Variants in PLPP3 observed in about 807,000 individuals in gnomAD.
PLPP3 encodes the protein PAP2 beta.
A neutral mutation model predicts 29.6 loss-of-function variants in PLPP3; 6 were observed. The observed-to-expected ratio is 0.20, with a 90% CI of 0.11 to 0.40. PLPP3 has a LOEUF of 0.40. Among genes scored for constraint, PLPP3 ranks in the 10% least tolerant of loss-of-function variants. PLPP3 has a pLI of 1.00. For missense variants in PLPP3, 308 were observed against 407.7 expected, an observed-to-expected ratio of 0.76 and a Z score of 2.11; for synonymous variants, 152 against 159.7, an observed-to-expected ratio of 0.95 and a Z score of 0.36.
intron 1 of PLPP3, among the ~76,000 whole-genome samples, chr1:56,542,807 A>G (rs1283239567): frequency 6.6e-6 from 1 of 152,044 alleles, no homozygotes; most frequent in Non-Finnish European, 1.5e-5. Context: ...GCATTGCTTG[A>G]GCTCATAAGT....
At chr1:56,516,256 A>G (rs1051481139) in intron 4 of PLPP3, among the ~76,000 whole-genome samples, 4 of 152,122 alleles carry the variant, frequency 2.6e-5, no homozygotes, top group African/African-American at 9.7e-5. Context: ...AACCCAGTTC[A>G]CACAAGCCAC....
intron 1 of PLPP3, among the ~76,000 whole-genome samples, chr1:56,560,659 C>T (rs113250194): frequency 1.3e-5 from 2 of 152,168 alleles, no homozygotes; most frequent in African/African-American, 4.8e-5. Flanking sequence ...CTCTTAAAGC[C>T]CCCCCACCTT....
intron 1 of PLPP3, among the ~76,000 whole-genome samples, chr1:56,562,134 C>G (rs1210065871): frequency 6.6e-6 from 1 of 150,640 alleles, no homozygotes; most frequent in Non-Finnish European, 1.5e-5. Flanking sequence ...TGGAAAAGCC[C>G]CAGAGTGGAG....
intron 1 of PLPP3, among the ~76,000 whole-genome samples, chr1:56,543,226 G>A (rs1250972557): frequency 1.3e-5 from 2 of 152,116 alleles, no homozygotes. Context: ...CCTTGAAGGA[G>A]TTTAGACTTT....
Position 56,524,620 on chromosome 1 carries a change from G to C in PLPP3, c.298-66C>G. 1 of 1,522,482 alleles carries C rather than the reference G, an allele frequency of 6.6e-7. No homozygotes were observed. Among genetic ancestry groups the C allele is most frequent in the Non-Finnish European group, 9.0e-7 (1 of 1,110,692 alleles). 94.3% of individuals were successfully genotyped at this position (1,522,482 alleles called of 1,614,324 possible). A position where few individuals can be genotyped will look rare whatever the true frequency, so the allele number is the denominator to read the frequency against. On this transcript the variant is annotated intron_variant, in intron 2 of 5. Transcript: ENST00000371250. This position sits in a 1 kb window ranked among gnomAD's most constrained non-coding sequence, Gnocchi z 4.3. ...TCATCATCAACACTGATGCCGTAAC[G>C]GATATTCAACAACACAGGAGAATAT... is the stretch of plus-strand genomic sequence containing the variant.
intron 1 of PLPP3, among the ~76,000 whole-genome samples, chr1:56,555,973 C>T (rs373529781): frequency 2.0e-5 from 3 of 151,942 alleles, no homozygotes; most frequent in Non-Finnish European, 2.9e-5. Context: ...CATTTTTTTT[C>T]CCCCTGGTTC....
At chr1:56,502,694 C>T (rs1245245978) in intron 5 of PLPP3, among the ~76,000 whole-genome samples, 1 of 152,200 alleles carries the variant, frequency 6.6e-6, no homozygotes, top group Non-Finnish European at 1.5e-5. Context: ...CCATATTGAA[C>T]TTTAATAACC....
At chr1:56,515,533 G>C (rs911275065) in intron 4 of PLPP3, among the ~76,000 whole-genome samples, 6 of 152,140 alleles carry the variant, frequency 3.9e-5, no homozygotes, top group African/African-American at 1.4e-4. Context: ...GAGAAGAGAG[G>C]AAGAGACCAG....
chr1:56,555,464 AAAACAAAC>A (rs1553139196), intron 1 of PLPP3, among the ~76,000 whole-genome samples: 2 of 149,454 alleles, frequency 1.3e-5, no homozygotes, highest in African/African-American at 2.5e-5. Flanking sequence ...AAAAAAACAA[AAAACAAAC>A]AAACAAACAA....
chr1:56,541,706 T>A (rs1645970687), intron 1 of PLPP3, among the ~76,000 whole-genome samples: 1 of 152,096 alleles, frequency 6.6e-6, no homozygotes, highest in African/African-American at 2.4e-5. Context: ...TTCTATAAAG[T>A]AAGTGAGTCA....
intron 1 of PLPP3, among the ~76,000 whole-genome samples, chr1:56,547,570 T>C (rs569219133): frequency 6.6e-6 from 1 of 152,274 alleles, no homozygotes; most frequent in East Asian, 1.9e-4. Flanking sequence ...TGGCTAAGAA[T>C]AAGACACTTA....
intron 1 of PLPP3, among the ~76,000 whole-genome samples, chr1:56,570,744 AAAAT>A (rs889509213): frequency 2.0e-5 from 3 of 152,166 alleles, no homozygotes; most frequent in Non-Finnish European, 2.9e-5. Context: ...TTAAAAAGCA[AAAAT>A]AAATAAATAA....
At chr1:56,543,127 A>T (rs1204503478) in intron 1 of PLPP3, among the ~76,000 whole-genome samples, 1 of 152,240 alleles carries the variant, frequency 6.6e-6, no homozygotes, top group Non-Finnish European at 1.5e-5. Flanking sequence ...ACTGAGGATC[A>T]GAAATGTTCA....
intron 1 of PLPP3, among the ~76,000 whole-genome samples, chr1:56,554,934 CCCTT>C (rs1646063918): frequency 6.6e-6 from 1 of 152,188 alleles, no homozygotes; most frequent in Admixed American, 6.5e-5. Context: ...TTTTCACTCT[CCCTT>C]CATTCATTTT....
In PLPP3 at chr1:56,548,099, C is replaced by T. The variant is rs141129680; in HGVS notation, c.140-10987G>A. On this transcript the variant is annotated intron_variant, in intron 1 of 5. Coordinates refer to ENST00000371250, the MANE Select transcript of PLPP3 (RefSeq NM_003713.5). The stretch of plus-strand genomic sequence containing the variant: ...GTGGTTGGAGTAACCTGGACAGGGC[C>T]GTGTCAGCTCAGACAAGGACTGTCA... Among the ~76,000 whole-genome samples, 1,320 of 152,274 alleles carry T rather than the reference C, an allele frequency of 8.7e-3. 13 individuals carry two copies. Among genetic ancestry groups the T allele is most frequent in the African/African-American group, 0.03 (1,257 of 41,542 alleles).
intron 1 of PLPP3, among the ~76,000 whole-genome samples, chr1:56,557,031 AGAGAGAGAG>A (rs1646086150): frequency 2.6e-5 from 1 of 38,288 alleles, no homozygotes; most frequent in African/African-American, 7.1e-5. Context: ...AGAGAAAGAG[AGAGAGAGAG>A]AGAGAGAGAG....
At chr1:56,531,512 C>G (rs772333065) in intron 2 of PLPP3, among the ~76,000 whole-genome samples, 1 of 152,242 alleles carries the variant, frequency 6.6e-6, no homozygotes, top group Admixed American at 6.5e-5. Flanking sequence ...ACCATCTCTA[C>G]AAACCATTGA....
chr1:56,575,621 A>G (rs910283757), intron 1 of PLPP3, among the ~76,000 whole-genome samples: 5 of 152,208 alleles, frequency 3.3e-5, no homozygotes, highest in African/African-American at 1.2e-4. Flanking sequence ...GAATTTCAAG[A>G]TTCTTCAGGT....
intron 5 of PLPP3, among the ~76,000 whole-genome samples, chr1:56,500,991 G>A (rs1402936332): frequency 8.1e-6 from 1 of 124,022 alleles, no homozygotes; most frequent in African/African-American, 3.2e-5. Flanking sequence ...GCGAGACAGC[G>A]AGACTCTGTC....
Sources: allele counts gnomAD v4.1 joint callset (sites outside exome capture counted in the v4.1 genomes callset), GRCh38; gene constraint gnomAD v4.1.1; non-coding constraint Gnocchi (gnomAD v3.1); transcripts MANE v1.5; gene names NCBI Gene and HGNC (gene_info 2026-07-23, HGNC 2026-07-21).